KCNJ6: variants seen among roughly 807,000 people sequenced by gnomAD.
KCNJ6 encodes potassium inwardly rectifying channel subfamily J member 6.
Under a neutral mutation model 34.2 loss-of-function variants are expected in KCNJ6, and 9 were observed. The ratio of observed to expected loss-of-function variants is 0.26; its 90% CI spans 0.16 to 0.46. The LOEUF (loss-of-function observed/expected upper bound fraction) is 0.46, where lower values mean the gene tolerates loss of function less well. Among genes scored for constraint, KCNJ6 ranks in the 20% least tolerant of loss-of-function variants. The pLI is 1.00. For synonymous variants in KCNJ6, 196 were observed against 207.1 expected, an observed-to-expected ratio of 0.95 and a Z score of 0.46; for missense variants, 236 against 531.3, an observed-to-expected ratio of 0.44 and a Z score of 5.46.
chr21:37,885,659 C>T (rs545407238), intron 1 of KCNJ6, among the ~76,000 whole-genome samples: 2 of 152,324 alleles, frequency 1.3e-5, no homozygotes, highest in East Asian at 3.9e-4. Flanking sequence ...ACCTGACAGC[C>T]ACAAGAATGG....
intron 3 of KCNJ6, among the ~76,000 whole-genome samples, chr21:37,693,297 C>G (rs1351738587): frequency 2.0e-5 from 3 of 152,194 alleles, no homozygotes; most frequent in South Asian, 2.1e-4. Context: ...TCTGCCATCT[C>G]TTGATTCACA....
At chr21:37,744,599 G>A (rs2054957832) in intron 2 of KCNJ6, among the ~76,000 whole-genome samples, 1 of 152,196 alleles carries the variant, frequency 6.6e-6, no homozygotes, top group South Asian at 2.1e-4. Flanking sequence ...AATAATTCAA[G>A]TAAGAGAAGT....
At chr21:37,702,824 A>G (rs762657485) in intron 3 of KCNJ6, among the ~76,000 whole-genome samples, 9 of 152,054 alleles carry the variant, frequency 5.9e-5, no homozygotes, top group Non-Finnish European at 1.3e-4. Context: ...GCAGTAGGGG[A>G]GTCATGAGTG....
At chr21:37,884,471 C>A (rs758872708) in intron 1 of KCNJ6, among the ~76,000 whole-genome samples, 1 of 152,134 alleles carries the variant, frequency 6.6e-6, no homozygotes, top group Non-Finnish European at 1.5e-5. Context: ...CATCTCTCTG[C>A]CCGCATCTGT....
At chr21:37,796,443 C>G (rs567486758) in intron 2 of KCNJ6, among the ~76,000 whole-genome samples, 20 of 152,312 alleles carry the variant, frequency 1.3e-4, no homozygotes, top group African/African-American at 4.8e-4. Context: ...AGGCCAGTAG[C>G]CTGACCTGAA....
At chr21:37,834,576 C>A (rs1023087370) in intron 2 of KCNJ6, among the ~76,000 whole-genome samples, 2 of 152,196 alleles carry the variant, frequency 1.3e-5, no homozygotes, top group African/African-American at 4.8e-5. Flanking sequence ...TCTTTCTGTG[C>A]CTTAACACAA....
Position 37,620,554 on chromosome 21 carries a change from T to A in KCNJ6, c.*4605A>T, listed in dbSNP as rs1372550360. 1.3e-5 allele frequency: 2 copies of A among 152,078 alleles called. No homozygotes were observed. The highest frequency in any genetic ancestry group is 4.8e-5 in the African/African-American group (2 of 41,400). 9.4% of individuals were successfully genotyped at this position (152,078 alleles called of 1,614,324 possible). On this transcript the variant is annotated 3_prime_UTR_variant, in exon 4 of 4. Transcript: ENST00000609713. ...GCAGCAGGCCAGATTTTTTTTTTTT[T>A]AGCAGATTTGGTTTGCTGAAATTTT...
At chr21:37,648,997 TG>T (rs2054418645) in intron 3 of KCNJ6, among the ~76,000 whole-genome samples, 1 of 143,872 alleles carries the variant, frequency 7.0e-6, no homozygotes, top group African/African-American at 2.6e-5. Flanking sequence ...CTGGGTGTGG[TG>T]GCGGGTGCCT....
intron 3 of KCNJ6, among the ~76,000 whole-genome samples, chr21:37,682,215 G>A (rs1034590430): frequency 2.0e-5 from 3 of 152,164 alleles, no homozygotes; most frequent in African/African-American, 7.2e-5. Flanking sequence ...CCAGAAGTCT[G>A]AAATCAGGGT....
intron 2 of KCNJ6, among the ~76,000 whole-genome samples, chr21:37,783,539 A>G (rs955032678): frequency 2.0e-5 from 3 of 152,146 alleles, no homozygotes; most frequent in Admixed American, 2.0e-4. Context: ...TGTAACTCCA[A>G]TTAAACCTCT....
chr21:37,636,035 G>T (rs2054356419), intron 3 of KCNJ6, among the ~76,000 whole-genome samples: 1 of 152,174 alleles, frequency 6.6e-6, no homozygotes, highest in Non-Finnish European at 1.5e-5. Flanking sequence ...GAGAGCTACT[G>T]GTCTAAGTCC....
intron 2 of KCNJ6, among the ~76,000 whole-genome samples, chr21:37,718,436 CAG>C (rs1461294737): frequency 8.4e-4 from 127 of 152,034 alleles, no homozygotes; most frequent in African/African-American, 2.6e-3. Flanking sequence ...AGAGCAAAGA[CAG>C]AGAAAAGAAA....
intron 2 of KCNJ6, among the ~76,000 whole-genome samples, chr21:37,839,646 T>A (rs1180427968): frequency 1.3e-5 from 2 of 152,198 alleles, no homozygotes; most frequent in African/African-American, 4.8e-5. Context: ...ACTTTCCATA[T>A]GAAATCTATC....
intron 2 of KCNJ6, among the ~76,000 whole-genome samples, chr21:37,752,019 A>T (rs2054998312): frequency 6.6e-6 from 1 of 152,210 alleles, no homozygotes. Context: ...CAGTGATGGA[A>T]AGCTATCTAC....
chr21:37,776,576 C>G (rs2055143638), intron 2 of KCNJ6, among the ~76,000 whole-genome samples: 1 of 152,140 alleles, frequency 6.6e-6, no homozygotes, highest in Non-Finnish European at 1.5e-5. Flanking sequence ...TGAATTTTGT[C>G]AAAGGCCTTT....
intron 3 of KCNJ6, among the ~76,000 whole-genome samples, chr21:37,637,219 T>A (rs984962100): frequency 1.3e-5 from 2 of 152,186 alleles, no homozygotes; most frequent in Non-Finnish European, 2.9e-5. Context: ...TCTGGCATAA[T>A]CATGGTTTTA....
intron 2 of KCNJ6, among the ~76,000 whole-genome samples, chr21:37,807,401 T>G (rs1324438811): frequency 6.6e-6 from 1 of 152,234 alleles, no homozygotes; most frequent in East Asian, 1.9e-4. Context: ...AGTCACGTAT[T>G]TCCTGAAATT....
intron 2 of KCNJ6, among the ~76,000 whole-genome samples, chr21:37,749,826 T>C (rs1277574646): frequency 1.3e-5 from 2 of 152,178 alleles, no homozygotes; most frequent in Non-Finnish European, 2.9e-5. Context: ...AAGGACAAGG[T>C]GTTGCTTTTG....
chr21:37,648,858 G>A (rs986463420), intron 3 of KCNJ6, among the ~76,000 whole-genome samples: 3 of 151,994 alleles, frequency 2.0e-5, no homozygotes, highest in African/African-American at 7.3e-5. Context: ...TAGGCCAGGC[G>A]CGGTGGCTCA....
Sources: gnomAD v4.1 joint callset for allele counts (sites outside exome capture counted in the v4.1 genomes callset) on GRCh38, gnomAD v4.1.1 for gene constraint, MANE v1.5 for transcripts, NCBI Gene and HGNC (gene_info 2026-07-23, HGNC 2026-07-21) for gene names.